Variants in ACOXL observed in about 807,000 individuals in gnomAD.
The protein encoded by ACOXL is acyl-coenzyme A oxidase-like protein.
A neutral mutation model predicts 71.9 loss-of-function variants in ACOXL; 70 were observed. That is an observed-to-expected ratio of 0.97 (90% CI 0.80 to 1.19). ACOXL has a LOEUF of 1.19. Among genes scored for constraint, ACOXL ranks in the 50% most tolerant of loss-of-function variants. The probability of loss-of-function intolerance (pLI) is 0.00; values close to 1 mark genes in which losing one functional copy is unlikely to be tolerated. For missense variants in ACOXL, 703 were observed against 736.3 expected (o/e 0.95, Z 0.52); for synonymous variants, 253 against 281.6 (o/e 0.90, Z 1.02).
At chr2:110,866,497 T>C (rs566510447) in intron 10 of ACOXL, among the ~76,000 whole-genome samples, 26 of 152,096 alleles carry the variant, frequency 1.7e-4, no homozygotes, top group Admixed American at 7.9e-4. Context: ...CAAGGCAACG[T>C]GGAGCCAGGA....
intron 9 of ACOXL, among the ~76,000 whole-genome samples, chr2:110,833,473 T>C (rs973098003): frequency 3.3e-5 from 5 of 152,120 alleles, no homozygotes; most frequent in African/African-American, 7.2e-5. Context: ...TGAGGGATGC[T>C]TGCGGGGATG....
intron 2 of ACOXL, among the ~76,000 whole-genome samples, chr2:110,772,743 G>A (rs1198743494): frequency 6.6e-6 from 1 of 152,168 alleles, no homozygotes; most frequent in African/African-American, 2.4e-5. Context: ...AGTAAGGCCC[G>A]AGGACCCGTG....
intron 9 of ACOXL, among the ~76,000 whole-genome samples, chr2:110,818,410 CAT>C (rs1371218363): frequency 3.8e-4 from 49 of 128,518 alleles, no homozygotes; most frequent in African/African-American, 1.3e-3. Flanking sequence ...AAAAAAAAAA[CAT>C]ATATATATAT....
At chr2:110,766,592 T>A (rs148357234) in intron 1 of ACOXL, among the ~76,000 whole-genome samples, 2,183 of 152,302 alleles carry the variant, frequency 0.014, 30 homozygotes, top group Non-Finnish European at 0.02. Context: ...TGGGTGCTAA[T>A]GACGCCAGGG....
At chr2:111,037,827 TTA>T (rs2065592759) in intron 15 of ACOXL, among the ~76,000 whole-genome samples, 1 of 152,210 alleles carries the variant, frequency 6.6e-6, no homozygotes, top group Non-Finnish European at 1.5e-5. Context: ...ACCGCACTCT[TTA>T]AGAGGTTTCT....
intron 5 of ACOXL, among the ~76,000 whole-genome samples, 186 bp downstream of exon 5, chr2:110,794,360 A>T (rs755199984): frequency 6.6e-6 from 1 of 152,212 alleles, no homozygotes; most frequent in Non-Finnish European, 1.5e-5. Context: ...CGTGTACCCA[A>T]CATCAGCCAG....
At chr2:110,886,453 T>C (rs1280626415) in intron 10 of ACOXL, among the ~76,000 whole-genome samples, 2 of 151,078 alleles carry the variant, frequency 1.3e-5, no homozygotes, top group East Asian at 1.9e-4. Context: ...GTTGGCTCAC[T>C]GCAGCCTCCA....
At chr2:110,883,990 TG>T (rs1696999244) in intron 10 of ACOXL, among the ~76,000 whole-genome samples, 1 of 152,090 alleles carries the variant, frequency 6.6e-6, no homozygotes, top group South Asian at 2.1e-4. Flanking sequence ...TTACAAAAAG[TG>T]AAAGGATGGG....
chr2:110,913,085 A>G (rs934515026), intron 11 of ACOXL, among the ~76,000 whole-genome samples: 12 of 152,248 alleles, frequency 7.9e-5, no homozygotes, highest in African/African-American at 1.9e-4. Context: ...TAGGATGGCT[A>G]TAATGAAAAA....
At chr2:111,027,078 G>C (rs941280035) in intron 14 of ACOXL, among the ~76,000 whole-genome samples, 1 of 151,868 alleles carries the variant, frequency 6.6e-6, no homozygotes, top group Non-Finnish European at 1.5e-5. Context: ...TGTGTTTTTT[G>C]TAGAGACGGG....
chr2:110,914,553 T>G (rs1373862270), intron 11 of ACOXL, among the ~76,000 whole-genome samples: 1 of 152,254 alleles, frequency 6.6e-6, no homozygotes, highest in Non-Finnish European at 1.5e-5. Flanking sequence ...ATTTACTTAT[T>G]AGTCATTTAT....
intron 14 of ACOXL, among the ~76,000 whole-genome samples, chr2:111,004,916 C>T (rs147148069): frequency 9.5e-4 from 145 of 152,276 alleles, no homozygotes; most frequent in African/African-American, 3.2e-3. Context: ...AGATGTTTTA[C>T]AACAATCTCA....
intron 12 of ACOXL, among the ~76,000 whole-genome samples, chr2:110,946,060 C>T (rs191646142): frequency 1.3e-5 from 2 of 152,324 alleles, no homozygotes; most frequent in South Asian, 2.1e-4. Context: ...AGAGATCTTT[C>T]ACCTTCCTGG....
intron 9 of ACOXL, among the ~76,000 whole-genome samples, chr2:110,833,145 T>G (rs1690044748): frequency 6.6e-6 from 1 of 152,182 alleles, no homozygotes. Context: ...TATTCATAAC[T>G]CATAACTCAA....
intron 10 of ACOXL, among the ~76,000 whole-genome samples, chr2:110,851,710 C>T (rs1296466099): frequency 6.6e-6 from 1 of 152,208 alleles, no homozygotes; most frequent in Non-Finnish European, 1.5e-5. Flanking sequence ...TGAGAGCCCT[C>T]AGGGCGCTGG....
intron 9 of ACOXL, among the ~76,000 whole-genome samples, chr2:110,823,331 G>C (rs1688831868): frequency 6.6e-6 from 1 of 151,722 alleles, no homozygotes; most frequent in Admixed American, 6.6e-5. Flanking sequence ...GTATTCCACT[G>C]TATAGATGTA....
chr2:110,927,211 C>G (rs1380605934), intron 11 of ACOXL, among the ~76,000 whole-genome samples: 1 of 152,162 alleles, frequency 6.6e-6, no homozygotes, highest in African/African-American at 2.4e-5. Flanking sequence ...CTCACTATCA[C>G]AAAAACAGCA....
chr2:110,832,156 G>A (rs1048473004), intron 9 of ACOXL, among the ~76,000 whole-genome samples: 2 of 152,142 alleles, frequency 1.3e-5, no homozygotes, highest in Admixed American at 1.3e-4. Flanking sequence ...GACAGAGCAA[G>A]ACTGTCTCAC....
At chr2:111,114,933 T>A (rs574557387) in intron 17 of ACOXL, among the ~76,000 whole-genome samples, 1 of 152,170 alleles carries the variant, frequency 6.6e-6, no homozygotes, top group Non-Finnish European at 1.5e-5. Flanking sequence ...GGCTGAGTGC[T>A]TCTGCTTTCT....
Sources: allele counts gnomAD v4.1 joint callset (sites outside exome capture counted in the v4.1 genomes callset), GRCh38; gene constraint gnomAD v4.1.1; transcripts MANE v1.5; gene names NCBI Gene and HGNC (gene_info 2026-07-23, HGNC 2026-07-21).